The following AGBL1 variants were observed in gnomAD, a reference collection of about 807,000 sequenced individuals.
The protein encoded by AGBL1 is AGBL carboxypeptidase 1, also known as cytosolic carboxypeptidase 4.
In AGBL1, 130 loss-of-function variants were observed where a neutral mutation model predicts 118.9. That is an observed-to-expected ratio of 1.09 (90% CI 0.95 to 1.26). The LOEUF is 1.26. Ranked by LOEUF, AGBL1 falls within the 50% of genes most tolerant of loss-of-function variation. AGBL1 has a pLI of 0.00. For synonymous variants in AGBL1, 555 were observed against 478.9 expected, an observed-to-expected ratio of 1.16 and a Z score of -2.08; for missense variants, 1,584 against 1,298.1, an observed-to-expected ratio of 1.22 and a Z score of -3.38.
chr15:86,107,059 G>A (rs532121563), intron 1 of AGBL1, among the ~76,000 whole-genome samples: 77 of 152,304 alleles, frequency 5.1e-4, no homozygotes, highest in Non-Finnish European at 1.0e-3. Flanking sequence ...ACCAATTAAA[G>A]TAGATTAAAA....
At position 86,433,229 on chromosome 15, in the gene AGBL1, T is replaced by C. The variant is rs117696560; in HGVS notation, c.2555+35683T>C. 4.8e-3 allele frequency among the ~76,000 whole-genome samples: 708 copies of C among 146,482 alleles called. 19 individuals are homozygous for C. In the East Asian group the frequency reaches 0.07, roughly 15 times the overall value. On this transcript the variant is annotated intron_variant, in intron 18 of 22. Coordinates refer to ENST00000614907, the MANE Select transcript of AGBL1 (RefSeq NM_001386094.1). Reference sequence around the variant, plus strand: ...CCTTTCCTCCTCTTCTTCTTCTTCTTCTCCTCCTCCTTCTCCTCCTCCTCC... The same window carrying C: ...CCTTTCCTCCTCTTCTTCTTCTTCTCCTCCTCCTCCTTCTCCTCCTCCTCC...
chr15:86,153,819 ATTTATT>A (rs995855373), intron 3 of AGBL1, among the ~76,000 whole-genome samples: 3 of 152,044 alleles, frequency 2.0e-5, no homozygotes, highest in Non-Finnish European at 4.4e-5. Flanking sequence ...TTCTTCACCT[ATTTATT>A]TTTATCTGAA....
At chr15:86,646,464 T>C (rs149483857) in intron 21 of AGBL1, among the ~76,000 whole-genome samples, 1 of 152,330 alleles carries the variant, frequency 6.6e-6, no homozygotes, top group East Asian at 1.9e-4. Flanking sequence ...TCTTTGTTTC[T>C]ATTATCCTCA....
At position 86,783,027 on chromosome 15, in the gene AGBL1, G is replaced by A. The variant is rs137979094; in HGVS notation, c.3158+108591G>A. ...ATCTCTCCAGTGACATGTATAATTA[G>A]TTAAAAGGCTGAGAAAAACAGTTGC... On this transcript the variant is annotated intron_variant, in intron 22 of 22. Coordinates refer to ENST00000614907, the MANE Select transcript of AGBL1 (RefSeq NM_001386094.1). Among the ~76,000 whole-genome samples the A allele has an allele frequency of 1.3e-3, 200 of 152,264 alleles. 1 individual carries two copies. Among genetic ancestry groups the A allele is most frequent in the Non-Finnish European group, 2.4e-3 (162 of 68,006 alleles).
chr15:86,878,099 A>T (rs2079838401), intron 22 of AGBL1, among the ~76,000 whole-genome samples: 1 of 152,188 alleles, frequency 6.6e-6, no homozygotes, highest in African/African-American at 2.4e-5. Flanking sequence ...TAGCTCAGCG[A>T]TGCCACCCAC....
At chr15:86,094,765 C>T (rs2057698554) in intron 1 of AGBL1, among the ~76,000 whole-genome samples, 1 of 152,210 alleles carries the variant, frequency 6.6e-6, no homozygotes, top group Non-Finnish European at 1.5e-5. Flanking sequence ...CAATATAGCA[C>T]TTCTGATATC....
chr15:86,726,375 G>T (rs2086818865), intron 22 of AGBL1, among the ~76,000 whole-genome samples: 1 of 152,142 alleles, frequency 6.6e-6, no homozygotes, highest in African/African-American at 2.4e-5. Flanking sequence ...TCAGAGTCAG[G>T]CATAACTGGA....
At chr15:86,270,422 A>G (rs145593234) in intron 14 of AGBL1, among the ~76,000 whole-genome samples, 1 of 152,206 alleles carries the variant, frequency 6.6e-6, no homozygotes, top group Non-Finnish European at 1.5e-5. Context: ...GTAGAGGAAC[A>G]ACAAAATCCA....
At chr15:86,796,518 C>A (rs2078574122) in intron 22 of AGBL1, among the ~76,000 whole-genome samples, 1 of 152,196 alleles carries the variant, frequency 6.6e-6, no homozygotes, top group South Asian at 2.1e-4. Flanking sequence ...CAGGACATGA[C>A]AAGAATCTTT....
intron 11 of AGBL1, among the ~76,000 whole-genome samples, chr15:86,265,389 G>T (rs1430935670): frequency 6.6e-6 from 1 of 152,134 alleles, no homozygotes; most frequent in East Asian, 1.9e-4. Flanking sequence ...AGAAACACTG[G>T]TTGATAGATT....
intron 17 of AGBL1, among the ~76,000 whole-genome samples, chr15:86,375,512 C>A (rs537970450): frequency 2.2e-4 from 33 of 152,262 alleles, no homozygotes; most frequent in Middle Eastern, 3.4e-3. Flanking sequence ...GACACAGAGC[C>A]AAACCATGTC....
At chr15:86,327,628 G>C (rs1254208514) in intron 17 of AGBL1, among the ~76,000 whole-genome samples, 1 of 152,220 alleles carries the variant, frequency 6.6e-6, no homozygotes, top group Non-Finnish European at 1.5e-5. Context: ...TGAGGTGTCA[G>C]CTGCTTTTTC....
chr15:86,742,819 T>A (rs2077699075), intron 22 of AGBL1, among the ~76,000 whole-genome samples: 2 of 152,172 alleles, frequency 1.3e-5, no homozygotes. Context: ...TCTGCTTTGG[T>A]CTGTTAGTCA....
chr15:86,806,761 TATTA>T (rs1384960956), intron 22 of AGBL1, among the ~76,000 whole-genome samples: 26 of 151,160 alleles, frequency 1.7e-4, no homozygotes, highest in Admixed American at 7.3e-4. Context: ...TATTATTTTA[TATTA>T]ATTATATACA....
intron 23 of AGBL1, among the ~76,000 whole-genome samples, chr15:86,926,266 A>G (rs2080538475): frequency 6.6e-6 from 1 of 152,128 alleles, no homozygotes; most frequent in South Asian, 2.1e-4. Flanking sequence ...TTCCATCTCC[A>G]TGACTTTACT....
chr15:86,365,205 A>G (rs1184670469), intron 17 of AGBL1, among the ~76,000 whole-genome samples: 1 of 152,174 alleles, frequency 6.6e-6, no homozygotes, highest in Non-Finnish European at 1.5e-5. Flanking sequence ...ACAGAAGGAA[A>G]ATGTTTTAAA....
In AGBL1 at chr15:86,615,245, G is replaced by C. The variant is rs2084705259; in HGVS notation, c.2995-59028G>C. Among the ~76,000 whole-genome samples, 1 of 152,136 alleles carries C rather than the reference G, an allele frequency of 6.6e-6. No individual in the cohort carries two copies. Among genetic ancestry groups the C allele is most frequent in the Non-Finnish European group, 1.5e-5 (1 of 68,024 alleles). On this transcript the variant is annotated intron_variant, in intron 21 of 22. Transcript: ENST00000614907. This position sits in a 1 kb window ranked among gnomAD's most constrained non-coding sequence, Gnocchi z 4.3. ...TCTAGCATTGGAAGTAGAGTAGAGGGCCAGGGAGACTAAAAACAGACTATT... is the reference window on the plus strand; with the variant it reads ...TCTAGCATTGGAAGTAGAGTAGAGGCCCAGGGAGACTAAAAACAGACTATT...
At chr15:86,652,918 G>A (rs2085399257) in intron 21 of AGBL1, among the ~76,000 whole-genome samples, 1 of 152,106 alleles carries the variant, frequency 6.6e-6, no homozygotes, top group Non-Finnish European at 1.5e-5. Flanking sequence ...CATCAAATGA[G>A]GAGAAGTCAA....
At chr15:86,114,225 T>C (rs1286642448) in intron 1 of AGBL1, among the ~76,000 whole-genome samples, 4 of 152,238 alleles carry the variant, frequency 2.6e-5, no homozygotes, top group Non-Finnish European at 4.4e-5. Context: ...TAAGATGATG[T>C]TATATTTAAA....
Sources: allele counts gnomAD v4.1 joint callset (sites outside exome capture counted in the v4.1 genomes callset), GRCh38; gene constraint gnomAD v4.1.1; non-coding constraint Gnocchi (gnomAD v3.1); transcripts MANE v1.5; gene names NCBI Gene and HGNC (gene_info 2026-07-23, HGNC 2026-07-21).